INPP4B: variants seen among roughly 807,000 people sequenced by gnomAD.
The protein encoded by INPP4B is inositol polyphosphate-4-phosphatase type II B.
INPP4B carries 55 observed loss-of-function variants against 122.5 expected under a neutral mutation model. The ratio of observed to expected loss-of-function variants is 0.45; its 90% CI spans 0.36 to 0.56. INPP4B has a LOEUF of 0.56. INPP4B is among the 20% of genes least tolerant of loss of function. The pLI, the probability that INPP4B is intolerant of heterozygous loss-of-function variation, is 0.00. For synonymous variants in INPP4B, 403 were observed against 388.7 expected, an observed-to-expected ratio of 1.04 and a Z score of -0.43; for missense variants, 1,000 against 1,097.7, an observed-to-expected ratio of 0.91 and a Z score of 1.26.
At chr4:142,519,678 C>T (rs1380016468) in intron 2 of INPP4B, among the ~76,000 whole-genome samples, 1 of 152,060 alleles carries the variant, frequency 6.6e-6, no homozygotes, top group East Asian at 1.9e-4. Context: ...TATAAAAATG[C>T]TAAAGTACTA....
chr4:142,305,478 T>C lies in INPP4B; in HGVS notation c.483A>G (p.Gln161=). The C allele has an allele frequency of 6.2e-7, 1 of 1,612,620 alleles. No individual in the cohort carries two copies. The highest frequency in any genetic ancestry group is 8.5e-7 in the Non-Finnish European group (1 of 1,179,038). The change falls in exon 9 of 26, where the codon CAA becomes CAG. Residue 161 remains glutamine (Q), a synonymous_variant. Transcript: ENST00000262992. Reference sequence around the variant, plus strand: ...CCCACCTCAGGCTCAGGACCAGCAATTGCTCCTTTGACTTCAGCAGCTCTC... The same window carrying C: ...CCCACCTCAGGCTCAGGACCAGCAACTGCTCCTTTGACTTCAGCAGCTCTC... ...KVGELLKSKE[Q]LLVLSLRTSD...
At chr4:142,329,924 T>C (rs1227222291) in intron 7 of INPP4B, among the ~76,000 whole-genome samples, 2 of 152,092 alleles carry the variant, frequency 1.3e-5, no homozygotes. Context: ...GCCTATGAAG[T>C]AAAAAGCATT....
At chr4:142,450,086 G>C (rs1232086884) in intron 3 of INPP4B, among the ~76,000 whole-genome samples, 5 of 152,084 alleles carry the variant, frequency 3.3e-5, no homozygotes, top group Non-Finnish European at 5.9e-5. Context: ...CCTTGCCATA[G>C]AGCAGCCCCG....
intron 18 of INPP4B, among the ~76,000 whole-genome samples, chr4:142,138,548 TA>T (rs1217745004): frequency 3.3e-5 from 5 of 151,856 alleles, no homozygotes; most frequent in East Asian, 3.9e-4. Context: ...ATAATAAAAT[TA>T]AAAAAAATTA....
intron 23 of INPP4B, among the ~76,000 whole-genome samples, chr4:142,096,493 A>G (rs1443929199): frequency 1.3e-5 from 2 of 152,146 alleles, no homozygotes; most frequent in African/African-American, 4.8e-5. Flanking sequence ...GTATTTCATA[A>G]TTTGATCGTG....
At chr4:142,137,115 T>C (rs576508954) in intron 18 of INPP4B, among the ~76,000 whole-genome samples, 5 of 152,250 alleles carry the variant, frequency 3.3e-5, no homozygotes, top group Non-Finnish European at 4.4e-5. Flanking sequence ...GGAGGCATCA[T>C]GCTACCTGAC....
chr4:142,684,344 G>T (rs749456515), intron 2 of INPP4B, among the ~76,000 whole-genome samples: 2 of 152,040 alleles, frequency 1.3e-5, no homozygotes. Flanking sequence ...CCTTTGTGGA[G>T]ACTCAACATA....
intron 1 of INPP4B, among the ~76,000 whole-genome samples, chr4:142,737,665 C>G (rs964725238): frequency 3.9e-5 from 6 of 152,048 alleles, no homozygotes; most frequent in African/African-American, 7.2e-5. Flanking sequence ...TACCATCAGA[C>G]TGAACAGGCA....
At chr4:142,497,425 C>T (rs1292122083) in intron 2 of INPP4B, among the ~76,000 whole-genome samples, 1 of 152,100 alleles carries the variant, frequency 6.6e-6, no homozygotes, top group African/African-American at 2.4e-5. Context: ...AGAATCAAAG[C>T]TACATCTGTT....
chr4:142,613,541 C>A (rs1166426749), intron 2 of INPP4B, among the ~76,000 whole-genome samples: 1 of 152,094 alleles, frequency 6.6e-6, no homozygotes, highest in Non-Finnish European at 1.5e-5. Flanking sequence ...GGCTACAGAT[C>A]CTTGGGAAAT....
At chr4:142,356,096 T>C (rs1331706806) in intron 7 of INPP4B, among the ~76,000 whole-genome samples, 2 of 151,354 alleles carry the variant, frequency 1.3e-5, no homozygotes, top group South Asian at 2.1e-4. Context: ...TTACAATGTA[T>C]AAAATGATAA....
chr4:142,301,452 A>G (rs1761374101), intron 9 of INPP4B, among the ~76,000 whole-genome samples: 1 of 152,194 alleles, frequency 6.6e-6, no homozygotes, highest in South Asian at 2.1e-4. Flanking sequence ...AAAGTAGAAT[A>G]GGCTCTGGAG....
chr4:142,228,222 T>C (rs1442753247), intron 12 of INPP4B, among the ~76,000 whole-genome samples: 1 of 151,930 alleles, frequency 6.6e-6, no homozygotes, highest in Non-Finnish European at 1.5e-5. Flanking sequence ...TAAAAAAGAT[T>C]AAAGATAATA....
intron 5 of INPP4B, among the ~76,000 whole-genome samples, chr4:142,416,296 G>T (rs1805754803): frequency 6.6e-6 from 1 of 152,064 alleles, no homozygotes; most frequent in Admixed American, 6.6e-5. Context: ...GGAGGCAGCT[G>T]TTCAATCCAG....
chr4:142,525,958 C>T (rs1160492244), intron 2 of INPP4B, among the ~76,000 whole-genome samples: 1 of 152,038 alleles, frequency 6.6e-6, no homozygotes, highest in Non-Finnish European at 1.5e-5. Context: ...AGGCAACCTA[C>T]AAAATGGGAG....
chr4:142,730,272 GT>G (rs1464688402), intron 1 of INPP4B, among the ~76,000 whole-genome samples: 3 of 152,054 alleles, frequency 2.0e-5, no homozygotes, highest in Non-Finnish European at 2.9e-5. Context: ...AGGGGTCAAA[GT>G]TTTCCAATTT....
chr4:142,809,115 A>C (rs1213676578), intron 1 of INPP4B, among the ~76,000 whole-genome samples: 2 of 152,108 alleles, frequency 1.3e-5, no homozygotes, highest in Admixed American at 6.5e-5. Flanking sequence ...ATGGTGAATA[A>C]ATTTTAATGC....
At chr4:142,347,450 C>T in intron 7 of INPP4B, 1 of 426,714 alleles carries the variant, frequency 2.3e-6, no homozygotes, top group Non-Finnish European at 4.6e-6. Context: ...TATTGCATCA[C>T]AGCTGACACA....
At chr4:142,379,322 C>T (rs1167164537) in intron 7 of INPP4B, among the ~76,000 whole-genome samples, 1 of 152,092 alleles carries the variant, frequency 6.6e-6, no homozygotes, top group East Asian at 1.9e-4. Flanking sequence ...GCATTTAGCT[C>T]CATTCTCAAT....
Sources: gnomAD v4.1 joint callset for allele counts (sites outside exome capture counted in the v4.1 genomes callset) on GRCh38, gnomAD v4.1.1 for gene constraint, MANE v1.5 for transcripts, NCBI Gene and HGNC (gene_info 2026-07-23, HGNC 2026-07-21) for gene names.